The following ATP10B variants were observed in gnomAD, a reference collection of about 807,000 sequenced individuals.
ATP10B encodes ATPase phospholipid transporting 10B (putative), also known as phospholipid-transporting ATPase VB.
ATP10B carries 122 observed loss-of-function variants against 141.2 expected under a neutral mutation model. The observed-to-expected ratio is 0.86, with a 90% CI of 0.75 to 1.00. The LOEUF (loss-of-function observed/expected upper bound fraction) is 1.00, where lower values mean the gene tolerates loss of function less well. ATP10B is among the 50% of genes least tolerant of loss of function. The probability of loss-of-function intolerance (pLI) is 0.00; values close to 1 mark genes in which losing one functional copy is unlikely to be tolerated. For missense variants in ATP10B, 1,876 were observed against 1,825.3 expected (o/e 1.03, Z -0.51); for synonymous variants, 685 against 692.0 (o/e 0.99, Z 0.16).
At chr5:160,641,386 A>C (rs76320923) in intron 9 of ATP10B, among the ~76,000 whole-genome samples, 38 of 152,352 alleles carry the variant, frequency 2.5e-4, no homozygotes, top group African/African-American at 8.9e-4. Flanking sequence ...CCCCAGCACT[A>C]ACCCTGGGCA....
Position 160,687,934 on chromosome 5 carries a change from G to A in ATP10B, c.141C>T (p.Val47=), listed in dbSNP as rs376393476. ...GGAATATGCTGTTGTTGGGGAACAC[G>A]ACCCGCTGCTGTGTCAAGTTGTAGC... ...RQSYNLTQQR[V]VFPNNSIFHQ... is the part of the protein sequence containing the mutation. The change falls in exon 5 of 26, where the codon GTC becomes GTT. Residue 47 remains valine (V), a synonymous_variant. Transcript: ENST00000327245. The A allele has an allele frequency of 2.3e-5, 37 of 1,614,064 alleles. 1 individual carries two copies. The African/African-American group carries it at 2.5e-4, about 11-fold the overall frequency.
intron 22 of ATP10B, among the ~76,000 whole-genome samples, chr5:160,594,008 T>C (rs182511625): frequency 0.016 from 2,373 of 152,102 alleles, 28 homozygotes; most frequent in Middle Eastern, 0.075. Flanking sequence ...GCAAGGCAGG[T>C]CAACATTCAG....
intron 24 of ATP10B, among the ~76,000 whole-genome samples, chr5:160,570,123 T>C (rs1762038688): frequency 6.6e-6 from 1 of 152,184 alleles, no homozygotes; most frequent in South Asian, 2.1e-4. Flanking sequence ...TTTTTGATCG[T>C]ATTTTGTCCT....
intron 24 of ATP10B, among the ~76,000 whole-genome samples, chr5:160,572,263 A>G (rs1445385597): frequency 1.3e-5 from 2 of 151,988 alleles, no homozygotes; most frequent in Non-Finnish European, 2.9e-5. Flanking sequence ...TAAATAACCT[A>G]GCGCCGTTTC....
intron 1 of ATP10B, among the ~76,000 whole-genome samples, chr5:160,845,063 CAG>C (rs1443361484): frequency 1.3e-5 from 2 of 152,106 alleles, no homozygotes; most frequent in Non-Finnish European, 2.9e-5. Flanking sequence ...CTTTTAATCA[CAG>C]ATACTCTTGA....
chr5:160,771,405 A>G (rs932165466), intron 2 of ATP10B, among the ~76,000 whole-genome samples: 1 of 152,186 alleles, frequency 6.6e-6, no homozygotes, highest in Non-Finnish European at 1.5e-5. Context: ...TGTCCCACAT[A>G]TAGGGTATGA....
At chr5:160,917,055 G>A in the ATP10B span, among the ~76,000 whole-genome samples, 1 of 152,058 alleles carries the variant, frequency 6.6e-6, no homozygotes, top group African/African-American at 2.4e-5. Context: ...TAAAGTCTCA[G>A]CATTTTTCCC....
intron 24 of ATP10B, among the ~76,000 whole-genome samples, chr5:160,576,136 G>C (rs10077637): frequency 6.6e-6 from 1 of 152,014 alleles, no homozygotes; most frequent in Admixed American, 6.6e-5. Flanking sequence ...GAATGGGGTC[G>C]GGTAGAATTG....
intron 3 of ATP10B, 134 bp downstream of exon 3, chr5:160,716,774 GT>G (rs1765685744): frequency 3.4e-6 from 2 of 582,618 alleles, no homozygotes; most frequent in Admixed American, 6.3e-5. Context: ...CGTTTTTTCT[GT>G]TCCATCATCC....
At chr5:160,715,737 T>C (rs936476711) in intron 3 of ATP10B, among the ~76,000 whole-genome samples, 1 of 152,082 alleles carries the variant, frequency 6.6e-6, no homozygotes, top group Non-Finnish European at 1.5e-5. Context: ...TTTGAGACAG[T>C]GTCTCACTCT....
Position 160,633,749 on chromosome 5 carries a change from G to C in ATP10B, c.1381+605C>G, listed in dbSNP as rs11957846. The C allele has an allele frequency of 7.4e-3, 1,211 of 163,366 alleles. 13 individuals are homozygous for C. The highest frequency in any genetic ancestry group is 0.027 in the African/African-American group (1,107 of 40,818). 10.1% of individuals were successfully genotyped at this position (163,366 alleles called of 1,614,324 possible). A position where few individuals can be genotyped will look rare whatever the true frequency, so the allele number is the denominator to read the frequency against. ...CTTAGAAAGTGTGTGTGTGTGTTGT[G>C]GGGGGGTGGGGAGGGGAACGAAGTT... On this transcript the variant is annotated intron_variant, in intron 12 of 25. Coordinates refer to ENST00000327245, the MANE Select transcript of ATP10B (RefSeq NM_025153.3).
rs78318347 is a variant in ATP10B, at chr5:160,733,472, A to T, written c.-330-16438T>A. Among the ~76,000 whole-genome samples the T allele has an allele frequency of 5.9e-5, 9 of 152,270 alleles. No homozygotes were observed. The East Asian group carries it at 1.7e-3, about 29-fold the overall frequency. On this transcript the variant is annotated intron_variant, in intron 2 of 25. Transcript: ENST00000327245. ...TCAAGATGTTCAATAAATCACAAGC[A>T]GAATAAATATAAAAATAGCCATAGG...
At chr5:160,646,331 T>C in intron 8 of ATP10B, among the ~76,000 whole-genome samples, 1 of 152,238 alleles carries the variant, frequency 6.6e-6, no homozygotes, top group East Asian at 1.9e-4. Flanking sequence ...CCTATTCTAA[T>C]GTTTGTCTAT....
the ATP10B span, among the ~76,000 whole-genome samples, chr5:160,914,283 A>T: frequency 6.6e-6 from 1 of 152,172 alleles, no homozygotes; most frequent in East Asian, 1.9e-4. Context: ...ACCCTATTCT[A>T]AAGAAAGTGT....
intron 1 of ATP10B, among the ~76,000 whole-genome samples, chr5:160,787,599 ATTAT>A (rs1561853619): frequency 6.6e-6 from 1 of 151,856 alleles, no homozygotes; most frequent in African/African-American, 2.4e-5. Context: ...GAAAATAGGA[ATTAT>A]TTATTTAAAT....
chr5:160,796,617 A>G lies in ATP10B; in HGVS notation c.-575-10814T>C, dbSNP rs142162287. On this transcript the variant is annotated intron_variant, in intron 1 of 25. Coordinates refer to ENST00000327245, the MANE Select transcript of ATP10B (RefSeq NM_025153.3). ...TTTACAAGCTGGTCGCGCCCTTCCA[A>G]AGGATCTCATTCCTCCAGGAGGGCA... 2.2e-4 allele frequency among the ~76,000 whole-genome samples: 33 copies of G among 152,308 alleles called. No homozygotes were observed. The East Asian group carries it at 6.2e-3, about 29-fold the overall frequency.
At chr5:160,833,868 A>G (rs1247380118) in intron 1 of ATP10B, among the ~76,000 whole-genome samples, 1 of 152,172 alleles carries the variant, frequency 6.6e-6, no homozygotes, top group East Asian at 1.9e-4. Context: ...TTCATGCAAA[A>G]TAGTTAAATT....
intron 13 of ATP10B, among the ~76,000 whole-genome samples, chr5:160,626,095 A>T (rs1758596786): frequency 6.6e-6 from 1 of 152,188 alleles, no homozygotes; most frequent in Non-Finnish European, 1.5e-5. Flanking sequence ...AACATTTAGA[A>T]ACTTGGCACT....
At chr5:160,582,779 TTTCCA>T (rs1755636935) in intron 24 of ATP10B, among the ~76,000 whole-genome samples, 1 of 152,192 alleles carries the variant, frequency 6.6e-6, no homozygotes, top group Non-Finnish European at 1.5e-5. Flanking sequence ...TGTTCATTCC[TTTCCA>T]TTCTTTTTTC....
Sources: allele counts gnomAD v4.1 joint callset (sites outside exome capture counted in the v4.1 genomes callset), GRCh38; gene constraint gnomAD v4.1.1; transcripts MANE v1.5; gene names NCBI Gene and HGNC (gene_info 2026-07-23, HGNC 2026-07-21).